UBAP2: variants seen among roughly 807,000 people sequenced by gnomAD.
UBAP2 encodes the protein ubiquitin-associated protein 2.
Under a neutral mutation model 139.6 loss-of-function variants are expected in UBAP2, and 75 were observed. That is an observed-to-expected ratio of 0.54 (90% CI 0.45 to 0.65). The LOEUF (loss-of-function observed/expected upper bound fraction) is 0.65. UBAP2 is among the 30% of genes least tolerant of loss of function. The pLI is 0.00. For missense variants in UBAP2, 1,368 were observed against 1,369.6 expected, an observed-to-expected ratio of 1.00 and a Z score of 0.02; for synonymous variants, 526 against 526.2, an observed-to-expected ratio of 1.00 and a Z score of 0.01.
At chr9:34,023,173 C>T (rs1047267668) in intron 1 of UBAP2, among the ~76,000 whole-genome samples, 7 of 150,382 alleles carry the variant, frequency 4.7e-5, no homozygotes, top group African/African-American at 1.7e-4. Flanking sequence ...TTGCAGTGAG[C>T]TGAGATCGCA....
intron 1 of UBAP2, among the ~76,000 whole-genome samples, chr9:34,018,350 C>T (rs529059959): frequency 6.7e-6 from 1 of 150,182 alleles, no homozygotes; most frequent in Admixed American, 6.7e-5. Flanking sequence ...ATTTTAAAAA[C>T]ACAGAAAGCA....
chr9:34,014,343 A>AAAAAG lies in UBAP2; in HGVS notation c.99+2706_99+2707insCTTTT, dbSNP rs1554690623. Among the ~76,000 whole-genome samples the AAAAAG allele has an allele frequency of 4.7e-5, 7 of 149,836 alleles. 1 individual carries two copies. Among genetic ancestry groups the AAAAAG allele is most frequent in the African/African-American group, 1.5e-4 (6 of 40,656 alleles). On this transcript the variant is annotated intron_variant, in intron 2 of 28. Transcript: ENST00000379238. ...CTGTCTCAAAAAAAAAAAAAAAAAA[A>AAAAAG]AAAAAGGTCAGGTGCGGTGGCTCAC... is the stretch of plus-strand genomic sequence containing the variant.
intron 17 of UBAP2, among the ~76,000 whole-genome samples, chr9:33,933,853 CA>C (rs1824218424): frequency 6.6e-6 from 1 of 152,118 alleles, no homozygotes; most frequent in South Asian, 2.1e-4. Context: ...CAAGATGCAG[CA>C]AAGAATAGGA....
At position 33,989,007 on chromosome 9, in the gene UBAP2, G is replaced by A. The variant is rs754686127; in HGVS notation, c.408C>T (p.Asn136=). The A allele has an allele frequency of 8.7e-6, 14 of 1,613,468 alleles. No individual in the cohort carries two copies. The highest frequency in any genetic ancestry group is 1.1e-5 in the Non-Finnish European group (13 of 1,179,794). ...CACGATTGCCGCCTCTTCCTTTCCG[G>A]TTGTTGTTTCCACGTCCACGACTCG... ...KESSRGRGNN[N]RKGRGGNRGR... Residue 136 remains asparagine, a synonymous_variant, in exon 5 of 29, where the codon AAC becomes AAT. Transcript: ENST00000379238.
chr9:34,026,771 G>A (rs981824746), intron 1 of UBAP2, among the ~76,000 whole-genome samples: 7 of 152,150 alleles, frequency 4.6e-5, no homozygotes, highest in African/African-American at 1.7e-4. Context: ...GATACACAGA[G>A]AATCACAGCT....
At chr9:33,962,792 C>G (rs1209740507) in intron 9 of UBAP2, among the ~76,000 whole-genome samples, 2 of 151,498 alleles carry the variant, frequency 1.3e-5, no homozygotes, top group Non-Finnish European at 2.9e-5. Flanking sequence ...GCCTGGCCAA[C>G]ATGGTGAAAC....
At position 33,998,779 on chromosome 9, in the gene UBAP2, A is replaced by T. The variant is rs758798502; in HGVS notation, c.177+8T>A. On this transcript the variant is annotated splice_region_variant and intron_variant, in intron 3 of 28. Transcript: ENST00000379238. The stretch of plus-strand genomic sequence containing the variant: ...TAAAAATGATGATATCCTTTGCCAG[A>T]AACATACCTGCTTAACTTTAGCTTC... 6.2e-7 allele frequency: 1 copy of T among 1,609,172 alleles called. No homozygotes were observed. The highest frequency in any genetic ancestry group is 1.3e-5 in the African/African-American group (1 of 74,978).
rs528666769 is a variant in UBAP2, at chr9:33,942,569, CAT to C, written c.1716-709_1716-708del. On this transcript the variant is annotated intron_variant, in intron 15 of 28. Coordinates refer to ENST00000379238, the MANE Select transcript of UBAP2 (RefSeq NM_001370062.2). Reference sequence around the variant, plus strand: ...ATGACGAAACCCTGTCTCTACAAAACATATTTAAAAATTAGCTGGGCATGGTG... The same window carrying C: ...ATGACGAAACCCTGTCTCTACAAAACATTTAAAAATTAGCTGGGCATGGTG... Among the ~76,000 whole-genome samples the C allele has an allele frequency of 2.0e-4, 31 of 151,450 alleles. No homozygotes were observed. The South Asian group carries it at 6.0e-3, about 30-fold the overall frequency.
In UBAP2 at chr9:33,926,660, T is replaced by C. The variant is rs779664280; in HGVS notation, c.2468A>G (p.Tyr823Cys). The C allele has an allele frequency of 2.5e-6, 4 of 1,614,178 alleles. No individual in the cohort carries two copies. Among genetic ancestry groups the C allele is most frequent in the Admixed American group, 3.3e-5 (2 of 60,028 alleles). The part of the protein sequence containing the change: ...PGGLLPAYPI[Y>C]GYDELQMLQS... The stretch of plus-strand genomic sequence containing the variant: ...CAGCATCTGGAGCTCGTCATAGCCA[T>C]AGATCTGTGTGAGAACCAGAAAGTG... Residue 823 changes from tyrosine to cysteine, a missense_variant, in exon 22 of 29, where the codon TAT becomes TGT. Coordinates refer to ENST00000379238, the MANE Select transcript of UBAP2 (RefSeq NM_001370062.2).
At chr9:34,012,898 C>G (rs1823884491) in intron 2 of UBAP2, among the ~76,000 whole-genome samples, 1 of 150,644 alleles carries the variant, frequency 6.6e-6, no homozygotes. Context: ...CACCTATAAT[C>G]CGGGCAGTTT....
At chr9:33,935,163 C>T (rs868775537) in intron 17 of UBAP2, among the ~76,000 whole-genome samples, 1 of 87,962 alleles carries the variant, frequency 1.1e-5, no homozygotes, top group South Asian at 3.3e-4. Flanking sequence ...TTGGAAGTGG[C>T]GGGGGGGGGG....
intron 2 of UBAP2, among the ~76,000 whole-genome samples, chr9:34,000,099 C>T (rs1169791072): frequency 1.3e-5 from 2 of 151,974 alleles, no homozygotes; most frequent in Non-Finnish European, 1.5e-5. Context: ...AGGCGCCTGT[C>T]ACTGCACCCA....
At chr9:33,986,680 C>T (rs372747067) in intron 6 of UBAP2, 80 bp downstream of exon 6, 39 of 1,141,626 alleles carry the variant, frequency 3.4e-5, no homozygotes, top group South Asian at 2.7e-4. Flanking sequence ...CACTGCCATC[C>T]CTAGTCACAG....
chr9:33,945,808 A>G lies in UBAP2; in HGVS notation c.1271-1169T>C, dbSNP rs115118998. Among the ~76,000 whole-genome samples the G allele has an allele frequency of 1.9e-3, 290 of 152,358 alleles. 1 individual carries two copies. The highest frequency in any genetic ancestry group is 6.7e-3 in the African/African-American group (278 of 41,588). On this transcript the variant is annotated intron_variant, in intron 13 of 28. Transcript: ENST00000379238. ...ACACAGAAATCTAGTACACATAGGT[A>G]TCATTTTATAAAACCAGTACTATAT...
intron 8 of UBAP2, among the ~76,000 whole-genome samples, chr9:33,969,409 C>A (rs1186152789): frequency 1.3e-5 from 2 of 152,070 alleles, no homozygotes; most frequent in Non-Finnish European, 2.9e-5. Flanking sequence ...TCACCCAGTG[C>A]AGTGGTGTGT....
rs750569058 is a variant in UBAP2 at position 33,923,435 on chromosome 9, G to A, written c.2840C>T (p.Thr947Ile). Residue 947 changes from threonine to isoleucine, a missense_variant, in exon 25 of 29, where the codon ACT becomes ATT. Physicochemically the swap from Thr to Ile is moderately conservative, Grantham distance 89 (BLOSUM62 -1). Coordinates refer to ENST00000379238, the MANE Select transcript of UBAP2 (RefSeq NM_001370062.2). The part of the protein sequence containing the change: ...SAKQHGVNLS[T>I]PTPPFQQASG... ...GGCCTGCTGGAAGGGAGGTGTGGGA[G>A]TGCTGAGGTTCACCCCATGTTGCTT... 1.3e-5 allele frequency: 21 copies of A among 1,614,154 alleles called. No homozygotes were observed. Among genetic ancestry groups the A allele is most frequent in the Non-Finnish European group, 1.8e-5 (21 of 1,180,026 alleles).
chr9:33,944,897 T>A (rs763417100), intron 13 of UBAP2, among the ~76,000 whole-genome samples: 1 of 152,208 alleles, frequency 6.6e-6, no homozygotes, highest in African/African-American at 2.4e-5. Context: ...AACAATATTA[T>A]GGTGCTATAC....
At chr9:33,941,951 A>T in intron 15 of UBAP2, 89 bp from the exon 16 acceptor site, 1 of 859,650 alleles carries the variant, frequency 1.2e-6, no homozygotes, top group Non-Finnish European at 1.8e-6. Flanking sequence ...CACGAGATGC[A>T]ACTACTGCAT....
At position 34,024,096 on chromosome 9, in the gene UBAP2, C is replaced by T. The variant is rs1357244155; in HGVS notation, c.-41-6907G>A. ...ATACAAGGATGGGCGCGGTGGCACA[C>T]GCCTGTAATCCCAGCATTTTGGGAG... On this transcript the variant is annotated intron_variant, in intron 1 of 28. Transcript: ENST00000379238. 3.3e-5 allele frequency among the ~76,000 whole-genome samples: 5 copies of T among 151,922 alleles called. No individual in the cohort carries two copies. The East Asian group carries it at 9.7e-4, about 30-fold the overall frequency.
Sources: gnomAD v4.1 joint callset for allele counts (sites outside exome capture counted in the v4.1 genomes callset) on GRCh38, gnomAD v4.1.1 for gene constraint, MANE v1.5 for transcripts, NCBI Gene and HGNC (gene_info 2026-07-23, HGNC 2026-07-21) for gene names.